Variants in SH3D21 observed in about 807,000 individuals in gnomAD.
SH3D21 encodes the protein manchette microtubule inner protein 1, also known as SH3 domain-containing protein 21.
Under a neutral mutation model 82.1 loss-of-function variants are expected in SH3D21, and 83 were observed. The ratio of observed to expected loss-of-function variants is 1.01; its 90% CI spans 0.85 to 1.21. The LOEUF is 1.21. SH3D21 is among the 50% of genes most tolerant of loss of function. The pLI, the probability that SH3D21 is intolerant of heterozygous loss-of-function variation, is 0.00. For missense variants in SH3D21, 980 were observed against 962.1 expected (o/e 1.02, Z -0.25); for synonymous variants, 383 against 387.8 (o/e 0.99, Z 0.15).
At chr1:36,321,820 T>G (rs1646469184), downstream of SH3D21, 1 of 1,011,404 alleles carries the variant, frequency 9.9e-7, no homozygotes, top group African/African-American at 1.7e-5. This position sits in a 1 kb window ranked among gnomAD's most constrained non-coding sequence, Gnocchi z 6.1. Flanking sequence ...GCGCGCTTGC[T>G]CTGTGTGTGA....
At position 36,309,423 on chromosome 1, in the gene SH3D21, C is replaced by A; in HGVS notation, c.727-125C>A. On this transcript the variant is annotated intron_variant, in intron 9 of 15. Transcript: ENST00000453908. Reference sequence around the variant, plus strand: ...TGTTGGCCAAGCTGGTCTCGAACTTCTGTCCTCAAGTGATCCACTCCCAAA... The same window carrying A: ...TGTTGGCCAAGCTGGTCTCGAACTTATGTCCTCAAGTGATCCACTCCCAAA... The A allele has an allele frequency of 3.7e-6, 4 of 1,080,488 alleles. No homozygotes were observed. In the South Asian group the frequency reaches 6.9e-5, roughly 19 times the overall value. The allele number at this position is 1,080,488 out of a possible 1,614,324, so 66.9% of individuals were successfully genotyped here. A position where few individuals can be genotyped will look rare whatever the true frequency, so the allele number is the denominator to read the frequency against.
chr1:36,322,288 G>T (rs1219993986), downstream of SH3D21: 1 of 1,502,228 alleles, frequency 6.7e-7, no homozygotes, highest in Non-Finnish European at 8.8e-7. Flanking sequence ...GCGGGAGCCG[G>T]GGCCCATCAG....
chr1:36,316,177 C>A (rs998904280), intron 10 of SH3D21, among the ~76,000 whole-genome samples: 1 of 152,194 alleles, frequency 6.6e-6, no homozygotes, highest in Non-Finnish European at 1.5e-5. Flanking sequence ...CTGTGGGACT[C>A]TTGCAGGCCT....
At chr1:36,322,757 G>T (rs1261998437), downstream of SH3D21, 1 of 1,537,312 alleles carries the variant, frequency 6.5e-7, no homozygotes. Flanking sequence ...TCACGGAGAG[G>T]CCCGGACGGG....
intron 11 of SH3D21, 48 bp downstream of exon 11, chr1:36,319,212 G>A (rs764179350): frequency 1.8e-5 from 28 of 1,548,612 alleles, no homozygotes; most frequent in Non-Finnish European, 1.4e-5. Flanking sequence ...AGGAGGCAAC[G>A]CCCCTCCCTG....
At position 36,319,875 on chromosome 1, in the gene SH3D21, G is replaced by C. The variant is rs762438373; in HGVS notation, c.1212G>C (p.Ser404=). 3.1e-6 allele frequency: 5 copies of C among 1,613,666 alleles called. No individual in the cohort carries two copies. The highest frequency in any genetic ancestry group is 1.7e-5 in the Admixed American group (1 of 59,948). The part of the protein sequence containing the change: ...DKASIPGNST[S]GKIPAPDKVP... ...CCTCTATCCCAGGGAACTCCACCTC[G>C]GGGAAGATCCCAGCTCCTGACAAAG... Residue 404 remains serine, a synonymous_variant, in exon 14 of 16, where the codon TCG becomes TCC. Coordinates refer to ENST00000453908, the MANE Select transcript of SH3D21 (RefSeq NM_001162530.2).
chr1:36,309,588 C>A lies in SH3D21; in HGVS notation c.767C>A (p.Ser256Ter). 1 of 1,551,658 alleles carries A rather than the reference C, an allele frequency of 6.4e-7. No individual in the cohort carries two copies. Residue 256 changes from serine to a stop codon, truncating the protein, a stop_gained and splice_region_variant, in exon 10 of 16, where the codon TCA becomes TAA. Coordinates refer to ENST00000453908, the MANE Select transcript of SH3D21 (RefSeq NM_001162530.2). LOFTEE classifies it high-confidence loss of function. ...LVPRKVVSRE[S>*]APIKEPKKLM... Reference sequence around the variant, plus strand: ...CCACGGAAAGTGGTATCTCGGGAATCAGGTGAGTGCCCGGGGAGCCTGGGA... The same window carrying A: ...CCACGGAAAGTGGTATCTCGGGAATAAGGTGAGTGCCCGGGGAGCCTGGGA...
chr1:36,316,820 A>G (rs1054921454), intron 10 of SH3D21, among the ~76,000 whole-genome samples: 6 of 148,324 alleles, frequency 4.0e-5, no homozygotes, highest in African/African-American at 1.2e-4. Flanking sequence ...GCTGGAGTGC[A>G]ATGGCGTGAT....
chr1:36,314,354 A>T (rs2124685372), intron 10 of SH3D21, among the ~76,000 whole-genome samples: 1 of 151,214 alleles, frequency 6.6e-6, no homozygotes, highest in African/African-American at 2.4e-5. Context: ...AAAAAATTGG[A>T]TTATTTGTCT....
At position 36,309,576 on chromosome 1, in the gene SH3D21, T is replaced by C. The variant is rs1262456123; in HGVS notation, c.755T>C (p.Val252Ala). The C allele has an allele frequency of 1.3e-6, 2 of 1,551,646 alleles. No homozygotes were observed. Among genetic ancestry groups the C allele is most frequent in the South Asian group, 2.4e-5 (2 of 84,052 alleles). ...AAGAAGCTGGTCCCACGGAAAGTGG[T>C]ATCTCGGGAATCAGGTGAGTGCCCG... The part of the protein sequence containing the change: ...PIKKLVPRKV[V>A]SRESAPIKEP... The change falls in exon 10 of 16, where the codon GTA becomes GCA. Residue 252 changes from valine to alanine, a missense_variant. Coordinates refer to ENST00000453908, the MANE Select transcript of SH3D21 (RefSeq NM_001162530.2).
At position 36,306,977 on chromosome 1, in the gene SH3D21, T is replaced by A; in HGVS notation, c.226+72T>A. ...CCAGTGCGACCCCGGCGTCTCCGGC[T>A]CTTAGTGACGGGCGCGGCTCTGGGC... On this transcript the variant is annotated intron_variant, in intron 3 of 15. Coordinates refer to ENST00000453908, the MANE Select transcript of SH3D21 (RefSeq NM_001162530.2). This position sits in a 1 kb window ranked among gnomAD's most constrained non-coding sequence, Gnocchi z 4.5. The A allele has an allele frequency of 3.6e-6, 5 of 1,370,056 alleles. No individual in the cohort carries two copies. In the South Asian group the frequency reaches 5.9e-5, roughly 16 times the overall value. The allele number at this position is 1,370,056 out of a possible 1,614,324, so 84.9% of individuals were successfully genotyped here. A position where few individuals can be genotyped will look rare whatever the true frequency, so the allele number is the denominator to read the frequency against.
At chr1:36,312,998 C>T (rs1178985058) in intron 10 of SH3D21, among the ~76,000 whole-genome samples, 1 of 152,068 alleles carries the variant, frequency 6.6e-6, no homozygotes, top group Non-Finnish European at 1.5e-5. Context: ...AGATGTGAGC[C>T]ACCACACCTG....
intron 10 of SH3D21, among the ~76,000 whole-genome samples, chr1:36,318,206 G>T (rs911075182): frequency 1.3e-5 from 2 of 152,188 alleles, no homozygotes; most frequent in African/African-American, 2.4e-5. Context: ...CCAAACAAGT[G>T]GGTAAATGAG....
At chr1:36,309,439 C>T (rs1646193880) in intron 9 of SH3D21, 109 bp from the exon 10 acceptor site, 1 of 1,244,936 alleles carries the variant, frequency 8.0e-7, no homozygotes, top group Non-Finnish European at 1.1e-6. Flanking sequence ...TCAAGTGATC[C>T]ACTCCCAAAG....
In SH3D21 at chr1:36,319,906, A is replaced by C; in HGVS notation, c.1243A>C (p.Thr415Pro). ...GKIPAPDKVP[T>P]PEKMVTPEDK... ...GATCCCAGCTCCTGACAAAGTCCCC[A>C]CCCCAGAGAAGATGGTGACTCCGGA... Residue 415 changes from threonine (T) to proline (P), a missense_variant, in exon 14 of 16, where the codon ACC (threonine) becomes CCC (proline). Thr to Pro is a conservative substitution (Grantham distance 38). Coordinates refer to ENST00000453908, the MANE Select transcript of SH3D21 (RefSeq NM_001162530.2). 1 of 1,613,846 alleles carries C rather than the reference A, an allele frequency of 6.2e-7. No individual in the cohort carries two copies. Among genetic ancestry groups the C allele is most frequent in the Non-Finnish European group, 8.5e-7 (1 of 1,179,932 alleles).
At chr1:36,316,016 T>A (rs1049186217) in intron 10 of SH3D21, among the ~76,000 whole-genome samples, 3 of 152,234 alleles carry the variant, frequency 2.0e-5, no homozygotes, top group Non-Finnish European at 4.4e-5. Flanking sequence ...ATCCTGAACT[T>A]CTTCAAATGT....
rs982400921 is a variant in SH3D21 at position 36,306,932 on chromosome 1, C to T, written c.226+27C>T. The T allele has an allele frequency of 5.3e-6, 7 of 1,328,472 alleles. No individual in the cohort carries two copies. Among genetic ancestry groups the T allele is most frequent in the African/African-American group, 1.6e-5 (1 of 64,490 alleles). 82.3% of individuals were successfully genotyped at this position (1,328,472 alleles called of 1,614,324 possible). Reference sequence around the variant, plus strand: ...TGAGCGCAAGGGCGGGGACGGGCGCCGGTGGGCGGGTGCACGGAGCCAGTG... The same window carrying T: ...TGAGCGCAAGGGCGGGGACGGGCGCTGGTGGGCGGGTGCACGGAGCCAGTG... On this transcript the variant is annotated intron_variant, in intron 3 of 15. Transcript: ENST00000453908. This position sits in a 1 kb window ranked among gnomAD's most constrained non-coding sequence, Gnocchi z 4.5.
chr1:36,319,616 C>G, intron 13 of SH3D21, 59 bp from the exon 14 acceptor site: 1 of 1,550,006 alleles, frequency 6.5e-7, no homozygotes, highest in Non-Finnish European at 8.7e-7. Flanking sequence ...GGTGAAGTCT[C>G]CCAGGCCAAG....
At chr1:36,318,770 G>A (rs1425913198) in intron 10 of SH3D21, among the ~76,000 whole-genome samples, 3 of 151,962 alleles carry the variant, frequency 2.0e-5, no homozygotes, top group Non-Finnish European at 4.4e-5. Flanking sequence ...TTAGCCGGGT[G>A]TGGTGGAGGG....
Sources: allele counts gnomAD v4.1 joint callset (sites outside exome capture counted in the v4.1 genomes callset), GRCh38; gene constraint gnomAD v4.1.1; non-coding constraint Gnocchi (gnomAD v3.1); transcripts MANE v1.5; gene names NCBI Gene and HGNC (gene_info 2026-07-23, HGNC 2026-07-21).